Variants in PCSK2 observed in about 807,000 individuals in gnomAD.
PCSK2 encodes the protein neuroendocrine convertase 2.
In PCSK2, 14 loss-of-function variants were observed where a neutral mutation model predicts 69.7. The observed-to-expected ratio is 0.20, with a 90% CI of 0.13 to 0.31. The LOEUF (loss-of-function observed/expected upper bound fraction) is 0.31. Among genes scored for constraint, PCSK2 ranks in the 10% least tolerant of loss-of-function variants. PCSK2 has a pLI of 1.00. For synonymous variants in PCSK2, 307 were observed against 320.7 expected (o/e 0.96, Z 0.46); for missense variants, 544 against 842.5 (o/e 0.65, Z 4.39).
At chr20:17,441,078 C>T (rs1011215325) in intron 8 of PCSK2, among the ~76,000 whole-genome samples, 4 of 152,168 alleles carry the variant, frequency 2.6e-5, no homozygotes, top group African/African-American at 9.6e-5. Context: ...GGCTCCGGCT[C>T]TCCAACTCAC....
rs540824011 is a variant in PCSK2, at chr20:17,298,619, C to T, written c.282+38275C>T. Reference sequence around the variant, plus strand: ...CTCATTGTATTTAAATTATTTTTACCACCAGTACTTTCATATCCTCACTCT... The same window carrying T: ...CTCATTGTATTTAAATTATTTTTACTACCAGTACTTTCATATCCTCACTCT... On this transcript the variant is annotated intron_variant, in intron 2 of 11. Coordinates refer to ENST00000262545, the MANE Select transcript of PCSK2 (RefSeq NM_002594.5). Among the ~76,000 whole-genome samples, 5 of 152,078 alleles carry T rather than the reference C, an allele frequency of 3.3e-5. No individual in the cohort carries two copies. In the South Asian group the frequency reaches 1.0e-3, roughly 32 times the overall value.
intron 2 of PCSK2, among the ~76,000 whole-genome samples, chr20:17,270,983 A>C (rs1987842907): frequency 6.6e-6 from 1 of 152,064 alleles, no homozygotes; most frequent in African/African-American, 2.4e-5. Flanking sequence ...GAGGTCCTAA[A>C]TCTGAGATTC....
chr20:17,255,344 ATTT>A (rs775400787), intron 1 of PCSK2, among the ~76,000 whole-genome samples: 3 of 143,874 alleles, frequency 2.1e-5, no homozygotes, highest in Admixed American at 7.0e-5. Flanking sequence ...TTCATTCCTA[ATTT>A]TTTTTTTTTT....
At chr20:17,328,869 T>C (rs1057258438) in intron 2 of PCSK2, among the ~76,000 whole-genome samples, 2 of 152,164 alleles carry the variant, frequency 1.3e-5, no homozygotes, top group African/African-American at 4.8e-5. Flanking sequence ...AAGACTCCAG[T>C]GCATTCAACT....
intron 1 of PCSK2, among the ~76,000 whole-genome samples, chr20:17,235,076 T>C (rs1986288181): frequency 6.6e-6 from 1 of 152,202 alleles, no homozygotes; most frequent in South Asian, 2.1e-4. Flanking sequence ...TATAGTTGTG[T>C]ATTAATGGAT....
intron 2 of PCSK2, among the ~76,000 whole-genome samples, chr20:17,289,587 C>G (rs949779882): frequency 6.6e-6 from 1 of 152,142 alleles, no homozygotes; most frequent in Non-Finnish European, 1.5e-5. Context: ...ATCAATTAGT[C>G]TGTATCTATC....
chr20:17,439,778 G>T (rs576416955), intron 8 of PCSK2, among the ~76,000 whole-genome samples: 1 of 152,144 alleles, frequency 6.6e-6, no homozygotes, highest in Non-Finnish European at 1.5e-5. Context: ...ACCCTTCAGC[G>T]CAGTGGGTGG....
At chr20:17,365,608 C>T (rs938150205) in intron 4 of PCSK2, among the ~76,000 whole-genome samples, 7 of 152,108 alleles carry the variant, frequency 4.6e-5, no homozygotes, top group African/African-American at 9.7e-5. Context: ...ACTCAAGGTA[C>T]GATTCATCCT....
chr20:17,239,377 A>G (rs1986467515), intron 1 of PCSK2, among the ~76,000 whole-genome samples: 1 of 152,194 alleles, frequency 6.6e-6, no homozygotes, highest in Non-Finnish European at 1.5e-5. Context: ...AGAGACCTTG[A>G]AGAACCTAAA....
chr20:17,340,430 T>A (rs1990477263), intron 2 of PCSK2, among the ~76,000 whole-genome samples: 1 of 152,266 alleles, frequency 6.6e-6, no homozygotes, highest in Non-Finnish European at 1.5e-5. Context: ...CATTTCTGCA[T>A]TGTGAATTCT....
chr20:17,337,093 GT>G (rs11477902), intron 2 of PCSK2, among the ~76,000 whole-genome samples: 92,360 of 151,980 alleles, frequency 0.61, 29,235 homozygotes, highest in East Asian at 0.97. Flanking sequence ...AAAGCCAGGG[GT>G]TCCCTCAGGG....
intron 10 of PCSK2, chr20:17,465,047 A>C: frequency 2.2e-6 from 1 of 444,446 alleles, no homozygotes; most frequent in South Asian, 2.8e-5. Flanking sequence ...TAACATTGTC[A>C]GTCTTTTTCA....
intron 2 of PCSK2, among the ~76,000 whole-genome samples, chr20:17,270,227 T>C (rs1987808167): frequency 6.6e-6 from 1 of 152,174 alleles, no homozygotes; most frequent in Admixed American, 6.6e-5. Flanking sequence ...TAGAACTCTT[T>C]CTGGGTATTT....
At chr20:17,385,320 A>T (rs2031206333) in intron 5 of PCSK2, among the ~76,000 whole-genome samples, 1 of 152,220 alleles carries the variant, frequency 6.6e-6, no homozygotes, top group Non-Finnish European at 1.5e-5. Flanking sequence ...ACCTTCTAGC[A>T]GTGTGACATC....
In PCSK2 at chr20:17,378,972, A is replaced by G. The variant is rs185510304; in HGVS notation, c.543+9695A>G. Among the ~76,000 whole-genome samples the G allele has an allele frequency of 2.0e-5, 3 of 152,226 alleles. 1 individual carries two copies. Among genetic ancestry groups the G allele is most frequent in the Admixed American group, 2.0e-4 (3 of 15,278 alleles). On this transcript the variant is annotated intron_variant, in intron 5 of 11. Coordinates refer to ENST00000262545, the MANE Select transcript of PCSK2 (RefSeq NM_002594.5). The stretch of plus-strand genomic sequence containing the variant: ...TACTGGCTTTTTTATTTGGGTTTCT[A>G]TCTCATAGAACCAAAAACCTTTAGG...
At chr20:17,273,855 T>A (rs1263285244) in intron 2 of PCSK2, among the ~76,000 whole-genome samples, 2 of 152,134 alleles carry the variant, frequency 1.3e-5, no homozygotes, top group African/African-American at 4.8e-5. Context: ...AGTTTCACCA[T>A]CTTGAAACGC....
chr20:17,410,254 A>G (rs2031840278), intron 6 of PCSK2, among the ~76,000 whole-genome samples: 2 of 152,222 alleles, frequency 1.3e-5, no homozygotes, highest in Admixed American at 6.5e-5. Flanking sequence ...TTAAAATTCA[A>G]GTCAAAGCCA....
intron 6 of PCSK2, among the ~76,000 whole-genome samples, chr20:17,417,036 C>T (rs150330966): frequency 2.1e-3 from 319 of 152,102 alleles, no homozygotes; most frequent in African/African-American, 7.4e-3. Flanking sequence ...GTGTGGCAGA[C>T]TGGGGGAGGG....
intron 2 of PCSK2, among the ~76,000 whole-genome samples, chr20:17,292,827 T>A (rs1277800800): frequency 6.6e-6 from 1 of 151,728 alleles, no homozygotes; most frequent in Non-Finnish European, 1.5e-5. Context: ...TCTGGGGTGT[T>A]TTTTTTTATT....
Sources: allele counts gnomAD v4.1 joint callset (sites outside exome capture counted in the v4.1 genomes callset), GRCh38; gene constraint gnomAD v4.1.1; transcripts MANE v1.5; gene names NCBI Gene and HGNC (gene_info 2026-07-23, HGNC 2026-07-21).